The following TP73 variants were observed in gnomAD, a reference collection of about 807,000 sequenced individuals.
The protein encoded by TP73 is p53-like transcription factor.
A neutral mutation model predicts 62.5 loss-of-function variants in TP73; 25 were observed. That is an observed-to-expected ratio of 0.40 (90% confidence interval 0.29 to 0.56). TP73 has a LOEUF of 0.56. TP73 is among the 20% of genes least tolerant of loss of function. The probability of loss-of-function intolerance (pLI) is 0.46; values close to 1 mark genes in which losing one functional copy is unlikely to be tolerated. For missense variants in TP73, 754 were observed against 913.3 expected, an observed-to-expected ratio of 0.83 and a Z score of 2.25; for synonymous variants, 423 against 377.5, an observed-to-expected ratio of 1.12 and a Z score of -1.40.
intron 4 of TP73, 68 bp from the exon 5 acceptor site, chr1:3,721,952 TG>T (rs1641104961): frequency 1.2e-5 from 18 of 1,494,328 alleles, no homozygotes; most frequent in South Asian, 4.0e-5. Flanking sequence ...TGGCTCCCAA[TG>T]GGGGGTGGCC....
At chr1:3,657,725 G>T (rs12089203) in intron 1 of TP73, among the ~76,000 whole-genome samples, 4,298 of 152,262 alleles carry the variant, frequency 0.028, 196 homozygotes, top group African/African-American at 0.098. Flanking sequence ...CTTGGAACCC[G>T]GACACTGAAG....
At chr1:3,721,062 A>G (rs929859602) in intron 4 of TP73, among the ~76,000 whole-genome samples, 2 of 152,206 alleles carry the variant, frequency 1.3e-5, no homozygotes, top group Non-Finnish European at 2.9e-5. Context: ...GGGAGAGAGC[A>G]TGAGGACTCC....
intron 1 of TP73, among the ~76,000 whole-genome samples, chr1:3,678,968 T>A (rs924014867): frequency 6.6e-6 from 1 of 152,188 alleles, no homozygotes; most frequent in African/African-American, 2.4e-5. Flanking sequence ...CACATGCTCC[T>A]GGTGGTGGCC....
rs1645271074 is a variant in TP73, at chr1:3,672,769, G to A, written c.-33-9564G>A. 6.6e-6 allele frequency among the ~76,000 whole-genome samples: 1 copy of A among 152,058 alleles called. No individual in the cohort carries two copies. Among genetic ancestry groups the A allele is most frequent in the Non-Finnish European group, 1.5e-5 (1 of 68,004 alleles). ...ACCAAGCTCAGCGCCCCAGTTCCCTGACAGGGCCCCACTTCCCTCCTGCCG... is the reference window on the plus strand; with the variant it reads ...ACCAAGCTCAGCGCCCCAGTTCCCTAACAGGGCCCCACTTCCCTCCTGCCG... On this transcript the variant is annotated intron_variant, in intron 1 of 13. Transcript: ENST00000378295. The surrounding 1 kb of genome is among the most constrained non-coding windows in gnomAD (Gnocchi z 5.3).
At chr1:3,665,662 T>C (rs1031948646) in intron 1 of TP73, among the ~76,000 whole-genome samples, 2 of 150,868 alleles carry the variant, frequency 1.3e-5, no homozygotes, top group African/African-American at 2.4e-5. Context: ...CTTTTCTTTT[T>C]TTTTTTTTTT....
rs1439293165 is a variant in TP73, at chr1:3,670,199, A to T, written c.-33-12134A>T. Among the ~76,000 whole-genome samples, 2 of 151,972 alleles carry T rather than the reference A, an allele frequency of 1.3e-5. No homozygotes were observed. Among genetic ancestry groups the T allele is most frequent in the African/African-American group, 4.8e-5 (2 of 41,358 alleles). ...GCTCATCCCTAAGGCAGGGATGATG[A>T]TGGGGCCAGGGGACCACATGGGCAC... On this transcript the variant is annotated intron_variant, in intron 1 of 13. Coordinates refer to ENST00000378295, the MANE Select transcript of TP73 (RefSeq NM_005427.4). The surrounding 1 kb of genome is among the most constrained non-coding windows in gnomAD (Gnocchi z 5.9).
chr1:3,713,875 G>T (rs1412709889), intron 4 of TP73, among the ~76,000 whole-genome samples: 4 of 152,192 alleles, frequency 2.6e-5, no homozygotes, highest in African/African-American at 9.7e-5. Context: ...GCGGAACAGG[G>T]CATTTTAGGG....
intron 1 of TP73, among the ~76,000 whole-genome samples, chr1:3,675,832 G>A (rs1322661594): frequency 2.0e-5 from 3 of 152,158 alleles, no homozygotes; most frequent in East Asian, 1.9e-4. Context: ...GGGAACTGAC[G>A]AGGCCTTACC....
rs547706904 is a variant in TP73 at position 3,732,688 on chromosome 1, A to AC, written c.1579-52dup. On this transcript the variant is annotated intron_variant, in intron 13 of 13. Transcript: ENST00000378295. ...TGGCCAGACCTCCAGGCCCAGGGCG[A>AC]CCCCCCCTGCTCTCCCTGCTCCACT... 2.4e-4 allele frequency: 355 copies of AC among 1,465,300 alleles called. 1 individual carries two copies. Among genetic ancestry groups the AC allele is most frequent in the African/African-American group, 1.9e-3 (132 of 70,442 alleles). The allele number at this position is 1,465,300 out of a possible 1,614,324, so 90.8% of individuals were successfully genotyped here. A position where few individuals can be genotyped will look rare whatever the true frequency, so the allele number is the denominator to read the frequency against.
At chr1:3,674,232 C>T (rs1645309557) in intron 1 of TP73, among the ~76,000 whole-genome samples, 1 of 152,214 alleles carries the variant, frequency 6.6e-6, no homozygotes, top group South Asian at 2.1e-4. Flanking sequence ...TGGGGTGAGG[C>T]TCAGGGATTC....
intron 6 of TP73, among the ~76,000 whole-genome samples, chr1:3,724,862 C>T (rs1641374143): frequency 6.6e-6 from 1 of 152,172 alleles, no homozygotes; most frequent in Admixed American, 6.5e-5. Flanking sequence ...GTACTAAAAA[C>T]ACAAAAGTTA....
chr1:3,719,160 C>T (rs753575195), intron 4 of TP73, among the ~76,000 whole-genome samples: 6 of 152,186 alleles, frequency 3.9e-5, no homozygotes, highest in Non-Finnish European at 2.9e-5. Flanking sequence ...GCCCTCCCTG[C>T]TCTGTGGTTT....
intron 3 of TP73, 58 bp from the exon 4 acceptor site, chr1:3,707,491 G>C (rs532347710): frequency 6.4e-6 from 10 of 1,565,958 alleles, no homozygotes; most frequent in Non-Finnish European, 7.0e-6. Context: ...CCTCCTAGAC[G>C]GGACAGGACG....
chr1:3,691,442 G>T (rs532491285), intron 3 of TP73, among the ~76,000 whole-genome samples: 3 of 152,208 alleles, frequency 2.0e-5, no homozygotes, highest in African/African-American at 7.2e-5. Flanking sequence ...GGTGCTTCTT[G>T]TCAGCCCCAC....
In TP73 at chr1:3,702,422, C is replaced by G. The variant is rs528396855; in HGVS notation, c.187-5127C>G. On this transcript the variant is annotated intron_variant, in intron 3 of 13. Transcript: ENST00000378295. ...GAACTGTGTTGATACCTGTGACTGG[C>G]CCAGGCGAGAGAGCAGCCCCATTTA... 6.8e-4 allele frequency among the ~76,000 whole-genome samples: 104 copies of G among 152,238 alleles called. 2 individuals are homozygous for G. Among genetic ancestry groups the G allele is most frequent in the African/African-American group, 2.3e-3 (95 of 41,528 alleles).
intron 4 of TP73, among the ~76,000 whole-genome samples, chr1:3,719,282 C>T (rs569937236): frequency 6.6e-6 from 1 of 151,978 alleles, no homozygotes; most frequent in Non-Finnish European, 1.5e-5. Flanking sequence ...GCCTGAATTC[C>T]AGGGGGCCTG....
intron 10 of TP73, 117 bp downstream of exon 10, chr1:3,729,565 A>G (rs1202498902): frequency 3.8e-6 from 6 of 1,565,962 alleles, no homozygotes; most frequent in Non-Finnish European, 5.2e-6. Context: ...AGGGACAGGC[A>G]GCAGGGTCCA....
At chr1:3,653,205 T>C (rs189567364) in intron 1 of TP73, among the ~76,000 whole-genome samples, 1 of 152,340 alleles carries the variant, frequency 6.6e-6, no homozygotes, top group Non-Finnish European at 1.5e-5. Context: ...GTTTCGATGG[T>C]TTCCCGAGGG....
intron 3 of TP73, among the ~76,000 whole-genome samples, chr1:3,686,662 G>A (rs1308152294): frequency 6.6e-6 from 1 of 152,198 alleles, no homozygotes; most frequent in Non-Finnish European, 1.5e-5. Flanking sequence ...GAGACTGTGA[G>A]CTCTGTGTGG....
Sources: gnomAD v4.1 joint callset for allele counts (sites outside exome capture counted in the v4.1 genomes callset) on GRCh38, gnomAD v4.1.1 for gene constraint, Gnocchi (gnomAD v3.1) non-coding constraint, MANE v1.5 for transcripts, NCBI Gene and HGNC (gene_info 2026-07-23, HGNC 2026-07-21) for gene names.